The following SLC22A4 variants were observed in gnomAD, a reference collection of about 807,000 sequenced individuals.
SLC22A4 encodes solute carrier family 22 member 4, also known as ET transporter.
A neutral mutation model predicts 56.6 loss-of-function variants in SLC22A4; 39 were observed. The observed-to-expected ratio is 0.69, with a 90% CI of 0.53 to 0.90. The LOEUF (loss-of-function observed/expected upper bound fraction) is 0.90, where lower values mean the gene tolerates loss of function less well. Among genes scored for constraint, SLC22A4 ranks in the 40% least tolerant of loss-of-function variants. SLC22A4 has a pLI of 0.00. For synonymous variants in SLC22A4, 241 were observed against 281.4 expected (o/e 0.86, Z 1.44); for missense variants, 594 against 696.5 (o/e 0.85, Z 1.66).
chr5:132,325,943 C>T (rs1198407394), intron 4 of SLC22A4, among the ~76,000 whole-genome samples: 3 of 152,138 alleles, frequency 2.0e-5, no homozygotes, highest in Non-Finnish European at 4.4e-5. Flanking sequence ...TGGCAATGAC[C>T]CAATGACCCA....
chr5:132,302,143 T>G (rs1382931769), intron 1 of SLC22A4, among the ~76,000 whole-genome samples: 1 of 152,224 alleles, frequency 6.6e-6, no homozygotes, highest in Non-Finnish European at 1.5e-5. Context: ...GCCTCTCTGC[T>G]GTGTTCCTCT....
At chr5:132,328,838 TACACAC>T (rs200357854) in intron 5 of SLC22A4, among the ~76,000 whole-genome samples, 56 of 138,672 alleles carry the variant, frequency 4.0e-4, no homozygotes, top group Middle Eastern at 3.6e-3. Context: ...TATATATATA[TACACAC>T]ACACACACAC....
In SLC22A4 at chr5:132,294,714, G is replaced by T; in HGVS notation, c.98G>T (p.Gly33Val). 6.2e-7 allele frequency: 1 copy of T among 1,614,112 alleles called. No individual in the cohort carries two copies. Among genetic ancestry groups the T allele is most frequent in the Non-Finnish European group, 8.5e-7 (1 of 1,180,026 alleles). Reference sequence around the variant, plus strand: ...CTCAGCGCCAGCATCATCCCCAATGGCTTCAATGGTATGTCAGTCGTGTTC... The same window carrying T: ...CTCAGCGCCAGCATCATCCCCAATGTCTTCAATGGTATGTCAGTCGTGTTC... ...FLLSASIIPN[G>V]FNGMSVVFLA... The change falls in exon 1 of 10, where the codon GGC (glycine) becomes GTC (valine). Residue 33 changes from glycine to valine, a missense_variant. Coordinates refer to ENST00000200652, the MANE Select transcript of SLC22A4 (RefSeq NM_003059.3). The surrounding 1 kb of genome is among the most constrained non-coding windows in gnomAD (Gnocchi z 5.6).
chr5:132,326,226 G>A (rs1172240632), intron 4 of SLC22A4, among the ~76,000 whole-genome samples: 1 of 152,182 alleles, frequency 6.6e-6, no homozygotes, highest in Admixed American at 6.5e-5. Flanking sequence ...TGCCTGCCCT[G>A]CATCCCTACC....
Position 132,332,732 on chromosome 5 carries a change from A to G in SLC22A4, c.1046+882A>G, listed in dbSNP as rs1417111819. On this transcript the variant is annotated intron_variant, in intron 6 of 9. Coordinates refer to ENST00000200652, the MANE Select transcript of SLC22A4 (RefSeq NM_003059.3). ...AAAATTCCTACTCTATGATGGCAGCACACACACACACACACACACACACAC... is the reference window on the plus strand; with the variant it reads ...AAAATTCCTACTCTATGATGGCAGCGCACACACACACACACACACACACAC... 3.7e-5 allele frequency among the ~76,000 whole-genome samples: 4 copies of G among 108,926 alleles called. No individual in the cohort carries two copies. The South Asian group carries it at 1.0e-3, about 28-fold the overall frequency. 71.5% of individuals were successfully genotyped at this position (108,926 alleles called of 152,430 possible).
At chr5:132,334,576 A>G (rs896913669) in intron 6 of SLC22A4, 142 bp from the exon 7 acceptor site, 2 of 755,700 alleles carry the variant, frequency 2.6e-6, no homozygotes, top group Non-Finnish European at 4.8e-6. Flanking sequence ...AATCTTATTT[A>G]ATTTTAATTT....
intron 3 of SLC22A4, among the ~76,000 whole-genome samples, chr5:132,317,625 T>C (rs1479179805): frequency 1.3e-5 from 2 of 152,216 alleles, no homozygotes; most frequent in African/African-American, 4.8e-5. Context: ...TAAGTATTTT[T>C]GTGGATATAT....
chr5:132,326,723 G>A (rs944907985), intron 4 of SLC22A4, among the ~76,000 whole-genome samples: 4 of 152,224 alleles, frequency 2.6e-5, no homozygotes, highest in South Asian at 2.1e-4. Flanking sequence ...TTGGGCACTC[G>A]CTGATCTGGG....
chr5:132,328,161 A>G (rs540002789), intron 5 of SLC22A4, among the ~76,000 whole-genome samples: 21 of 152,308 alleles, frequency 1.4e-4, no homozygotes, highest in African/African-American at 4.8e-4. Flanking sequence ...GAAAGATAGC[A>G]GGGTGGCCCA....
At chr5:132,330,020 A>G (rs272887) in intron 5 of SLC22A4, among the ~76,000 whole-genome samples, 107,466 of 152,084 alleles carry the variant, frequency 0.71, 38,532 homozygotes, top group African/African-American at 0.81. Flanking sequence ...CCCTCCAAGA[A>G]GATGTCTGGT....
At chr5:132,333,434 G>A (rs1275440951) in intron 6 of SLC22A4, among the ~76,000 whole-genome samples, 2 of 152,220 alleles carry the variant, frequency 1.3e-5, no homozygotes, top group African/African-American at 2.4e-5. Flanking sequence ...GGATCAGAGG[G>A]CTAGCTTGCT....
intron 5 of SLC22A4, among the ~76,000 whole-genome samples, chr5:132,328,829 ATATATATAT>A (rs1750760870): frequency 4.8e-5 from 1 of 20,848 alleles, no homozygotes; most frequent in Admixed American, 4.8e-4. Flanking sequence ...GCCTTTATAT[ATATATATAT>A]ACACACACAC....
intron 1 of SLC22A4, among the ~76,000 whole-genome samples, chr5:132,299,394 GTTTTATTTTA>G (rs67806876): frequency 2.7e-4 from 21 of 77,888 alleles, no homozygotes; most frequent in Middle Eastern, 5.6e-3. Flanking sequence ...ATTATTTTTC[GTTTTATTTTA>G]TTTTATTTTA....
rs1163064071 is a variant in SLC22A4, at chr5:132,294,491, T to G, written c.-126T>G. The G allele has an allele frequency of 7.2e-7, 1 of 1,395,602 alleles. No individual in the cohort carries two copies. The highest frequency in any genetic ancestry group is 9.9e-7 in the Non-Finnish European group (1 of 1,010,878). The allele number at this position is 1,395,602 out of a possible 1,614,324, so 86.5% of individuals were successfully genotyped here. ...ACGGTCCCCGGCTTCGCGCCCCAAT[T>G]TCTAACAGCCTGCCTGTCCCCCGGG... On this transcript the variant is annotated 5_prime_UTR_variant, in exon 1 of 10. It adds an upstream start codon to the 5' untranslated region. Coordinates refer to ENST00000200652, the MANE Select transcript of SLC22A4 (RefSeq NM_003059.3). This position sits in a 1 kb window ranked among gnomAD's most constrained non-coding sequence, Gnocchi z 5.6.
intron 9 of SLC22A4, 78 bp downstream of exon 9, chr5:132,340,778 G>A (rs1751194876): frequency 7.3e-7 from 1 of 1,366,948 alleles, no homozygotes; most frequent in Non-Finnish European, 1.0e-6. Context: ...GGAAGGTTCT[G>A]AAATAGAAGA....
At chr5:132,342,388 G>A (rs1751245876) in intron 9 of SLC22A4, among the ~76,000 whole-genome samples, 1 of 152,192 alleles carries the variant, frequency 6.6e-6, no homozygotes, top group African/African-American at 2.4e-5. Context: ...ATAAGGAAAT[G>A]CAAAAATAAA....
intron 6 of SLC22A4, 22 bp from the exon 7 acceptor site, chr5:132,334,696 C>T (rs1420822350): frequency 6.4e-7 from 1 of 1,559,386 alleles, no homozygotes; most frequent in Non-Finnish European, 8.8e-7. Flanking sequence ...ATCCCTTTGT[C>T]ATTTTTACCT....
intron 9 of SLC22A4, among the ~76,000 whole-genome samples, chr5:132,341,123 A>T (rs988283667): frequency 6.6e-6 from 1 of 151,882 alleles, no homozygotes; most frequent in African/African-American, 2.4e-5. Flanking sequence ...TCTCAAAAAA[A>T]ATAAATAAAT....
At chr5:132,297,397 A>G (rs1324925863) in intron 1 of SLC22A4, among the ~76,000 whole-genome samples, 1 of 152,138 alleles carries the variant, frequency 6.6e-6, no homozygotes, top group African/African-American at 2.4e-5. Context: ...AGCAAGTACC[A>G]GGGTAAGCAG....
Sources: allele counts gnomAD v4.1 joint callset (sites outside exome capture counted in the v4.1 genomes callset), GRCh38; gene constraint gnomAD v4.1.1; non-coding constraint Gnocchi (gnomAD v3.1); transcripts MANE v1.5; gene names NCBI Gene and HGNC (gene_info 2026-07-23, HGNC 2026-07-21).